The following CAPN5 variants were observed in gnomAD, a reference collection of about 807,000 sequenced individuals.
The protein encoded by CAPN5 is calpain-5.
A neutral mutation model predicts 73.0 loss-of-function variants in CAPN5; 54 were observed. The observed-to-expected ratio is 0.74, with a 90% CI of 0.59 to 0.93. CAPN5 has a LOEUF of 0.93. Among genes scored for constraint, CAPN5 ranks in the 40% least tolerant of loss-of-function variants. CAPN5 has a pLI of 0.00. For synonymous variants in CAPN5, 335 were observed against 356.9 expected (o/e 0.94, Z 0.69); for missense variants, 785 against 882.9 (o/e 0.89, Z 1.41).
intron 1 of CAPN5, among the ~76,000 whole-genome samples, chr11:77,084,529 T>C (rs891810923): frequency 3.3e-5 from 5 of 152,128 alleles, no homozygotes; most frequent in African/African-American, 9.7e-5. Context: ...ACTGGTCTGA[T>C]TCCGTCTGAG....
intron 1 of CAPN5, chr11:77,071,482 G>A (rs1949906105): frequency 5.5e-6 from 2 of 365,380 alleles, no homozygotes; most frequent in Admixed American, 2.6e-5. Flanking sequence ...CCCTACAAGG[G>A]GGTGGGGCTG....
rs901527442 is a variant in CAPN5 at position 77,116,435 on chromosome 11, G to C, written c.971+132G>C. On this transcript the variant is annotated intron_variant, in intron 7 of 12. Coordinates refer to ENST00000648180, the MANE Select transcript of CAPN5 (RefSeq NM_004055.5). Reference sequence around the variant, plus strand: ...ATCATCAATTTGCTGTGTGGCCTTGGACAAGTCACACCATCTCAGAGCCTG... The same window carrying C: ...ATCATCAATTTGCTGTGTGGCCTTGCACAAGTCACACCATCTCAGAGCCTG... The C allele has an allele frequency of 3.2e-5, 23 of 718,576 alleles. No individual in the cohort carries two copies. In the African/African-American group the frequency reaches 3.7e-4, roughly 11 times the overall value. The allele number at this position is 718,576 out of a possible 1,614,324, so 44.5% of individuals were successfully genotyped here. A position where few individuals can be genotyped will look rare whatever the true frequency, so the allele number is the denominator to read the frequency against.
intron 3 of CAPN5, among the ~76,000 whole-genome samples, chr11:77,107,009 CA>C (rs1237332092): frequency 6.6e-6 from 1 of 152,198 alleles, no homozygotes; most frequent in Non-Finnish European, 1.5e-5. Context: ...GGGACTCCCC[CA>C]AGGCTGGGGG....
intron 3 of CAPN5, among the ~76,000 whole-genome samples, chr11:77,103,670 A>T (rs1319083328): frequency 6.6e-6 from 1 of 152,208 alleles, no homozygotes; most frequent in Non-Finnish European, 1.5e-5. Context: ...AGAGACTGAG[A>T]AAGACCAAGA....
chr11:77,089,137 C>A (rs1231065523), intron 2 of CAPN5, among the ~76,000 whole-genome samples: 1 of 152,150 alleles, frequency 6.6e-6, no homozygotes, highest in African/African-American at 2.4e-5. Flanking sequence ...GTGGTGGGGA[C>A]CCTAAGGAAA....
intron 3 of CAPN5, among the ~76,000 whole-genome samples, chr11:77,094,451 ACCT>A (rs112925570): frequency 3.3e-5 from 5 of 152,318 alleles, no homozygotes; most frequent in African/African-American, 1.2e-4. Flanking sequence ...CTGCAACCCA[ACCT>A]CCTATCCCAG....
At chr11:77,094,104 A>C (rs1950184092) in intron 3 of CAPN5, among the ~76,000 whole-genome samples, 1 of 152,246 alleles carries the variant, frequency 6.6e-6, no homozygotes, top group Non-Finnish European at 1.5e-5. Flanking sequence ...ACACCTGTGA[A>C]ATGTGGAAGC....
chr11:77,106,156 G>C (rs1467522509), intron 3 of CAPN5, among the ~76,000 whole-genome samples: 1 of 152,072 alleles, frequency 6.6e-6, no homozygotes, highest in African/African-American at 2.4e-5. Context: ...CCACTCTCCT[G>C]GGTCACACAG....
At position 77,068,212 on chromosome 11, in the gene CAPN5, T is replaced by G. The variant is rs571757627; in HGVS notation, c.-36+1118T>G. Among the ~76,000 whole-genome samples the G allele has an allele frequency of 1.3e-3, 193 of 152,012 alleles. 1 individual carries two copies. The highest frequency in any genetic ancestry group is 4.1e-3 in the African/African-American group (171 of 41,460). On this transcript the variant is annotated intron_variant, in intron 1 of 12. Coordinates refer to ENST00000648180, the MANE Select transcript of CAPN5 (RefSeq NM_004055.5). ...TCCCCAGGGTCTGGGGGTGGGGTGG[T>G]GTGGCTGCCTTTGCCTCCTGGGCAG... is the stretch of plus-strand genomic sequence containing the variant.
intron 10 of CAPN5, among the ~76,000 whole-genome samples, chr11:77,121,507 G>A (rs1950520128): frequency 6.6e-6 from 1 of 152,282 alleles, no homozygotes; most frequent in African/African-American, 2.4e-5. Flanking sequence ...GTGGCATGTG[G>A]AGTCAGACGG....
At chr11:77,088,172 A>T in intron 2 of CAPN5, 15 of 1,130,220 alleles carry the variant, frequency 1.3e-5, no homozygotes, top group Middle Eastern at 3.0e-4. Flanking sequence ...CACAGGGGAC[A>T]AGGTGGGGTG....
intron 2 of CAPN5, among the ~76,000 whole-genome samples, chr11:77,092,777 G>A (rs1555036724): frequency 6.6e-6 from 1 of 152,210 alleles, no homozygotes; most frequent in African/African-American, 2.4e-5. Context: ...GACCAGCCTG[G>A]CCAACATGGA....
chr11:77,085,771 T>A (rs1279694496), intron 2 of CAPN5, among the ~76,000 whole-genome samples: 1 of 151,870 alleles, frequency 6.6e-6, no homozygotes, highest in Non-Finnish European at 1.5e-5. Flanking sequence ...TGGGGAGGGG[T>A]TCGCTGCTTG....
At position 77,116,254 on chromosome 11, in the gene CAPN5, A is replaced by G. The variant is rs1950467183; in HGVS notation, c.922A>G (p.Ser308Gly). Residue 308 changes from serine to glycine, a missense_variant, in exon 7 of 13, where the codon AGT becomes GGT. By Grantham distance (56) the Ser-to-Gly change is moderately conservative. Coordinates refer to ENST00000648180, the MANE Select transcript of CAPN5 (RefSeq NM_004055.5). ...TSEEWQKVSK[S>G]EREKMGVTVQ... The stretch of plus-strand genomic sequence containing the variant: ...GGAGGAGTGGCAGAAAGTGAGCAAG[A>G]GTGAGCGGGAGAAGATGGGTGTGAC... The G allele has an allele frequency of 6.2e-7, 1 of 1,613,630 alleles. No homozygotes were observed. Among genetic ancestry groups the G allele is most frequent in the Non-Finnish European group, 8.5e-7 (1 of 1,179,848 alleles).
Position 77,123,868 on chromosome 11 carries a change from T to C in CAPN5, c.1921T>C (p.Ter641ArgextTer71), listed in dbSNP as rs1555043383. 5.6e-6 allele frequency: 9 copies of C among 1,612,616 alleles called. No homozygotes were observed. The highest frequency in any genetic ancestry group is 6.8e-6 in the Non-Finnish European group (8 of 1,179,542). The change falls in exon 13 of 13, where the codon TGA becomes CGA. Residue 641 changes from the stop codon to arginine (R), a stop_lost. Transcript: ENST00000648180. Reference sequence around the variant, plus strand: ...CAGCAGCACCTCCCTCATGGCTGTCTGACACCTGCCCACCTACCTGGCTCT... The same window carrying C: ...CAGCAGCACCTCCCTCATGGCTGTCCGACACCTGCCCACCTACCTGGCTCT... ...ILSSTSLMAV[*>R]
At position 77,122,498 on chromosome 11, in the gene CAPN5, A is replaced by T. The variant is rs1362835147; in HGVS notation, c.1604-78A>T. The T allele has an allele frequency of 2.5e-6, 3 of 1,201,330 alleles. No homozygotes were observed. The East Asian group carries it at 7.8e-5, about 31-fold the overall frequency. 74.4% of individuals were successfully genotyped at this position (1,201,330 alleles called of 1,614,324 possible). A position where few individuals can be genotyped will look rare whatever the true frequency, so the allele number is the denominator to read the frequency against. The stretch of plus-strand genomic sequence containing the variant: ...ATCTGAATAACTGAGCCGGGTGGGC[A>T]TCTCACCTGTAGATATCTGTGGCCC... On this transcript the variant is annotated intron_variant, in intron 11 of 12. Transcript: ENST00000648180.
At chr11:77,118,120 G>T (rs372218943) in intron 7 of CAPN5, 37 bp from the exon 8 acceptor site, 38 of 1,571,414 alleles carry the variant, frequency 2.4e-5, no homozygotes, top group Middle Eastern at 1.7e-4. Context: ...GGGGAGGTGT[G>T]GGGGAGGTAC....
intron 1 of CAPN5, among the ~76,000 whole-genome samples, chr11:77,074,504 C>T (rs1949947364): frequency 6.6e-6 from 1 of 152,246 alleles, no homozygotes; most frequent in African/African-American, 2.4e-5. Flanking sequence ...TCACCCCCAG[C>T]CCCCTCCTCA....
chr11:77,123,258 C>G (rs1307264685), intron 12 of CAPN5, among the ~76,000 whole-genome samples: 7 of 152,164 alleles, frequency 4.6e-5, no homozygotes, highest in Admixed American at 6.5e-5. Context: ...ACATTTGGGT[C>G]CCCCTGGGGG....
Sources: gnomAD v4.1 joint callset for allele counts (sites outside exome capture counted in the v4.1 genomes callset) on GRCh38, gnomAD v4.1.1 for gene constraint, MANE v1.5 for transcripts, NCBI Gene and HGNC (gene_info 2026-07-23, HGNC 2026-07-21) for gene names.